Variants in CAV1 observed in about 807,000 individuals in gnomAD.
CAV1 encodes the protein caveolin-1.
CAV1 carries 10 observed loss-of-function variants against 16.5 expected under a neutral mutation model. The observed-to-expected ratio is 0.61, with a 90% CI of 0.37 to 1.03. The LOEUF is 1.03. CAV1 is among the 50% of genes least tolerant of loss of function. The pLI is 0.01. For synonymous variants in CAV1, 76 were observed against 85.1 expected (o/e 0.89, Z 0.59); for missense variants, 212 against 232.8 (o/e 0.91, Z 0.58).
At chr7:116,553,402 T>C (rs888822363) in intron 2 of CAV1, among the ~76,000 whole-genome samples, 1 of 152,080 alleles carries the variant, frequency 6.6e-6, no homozygotes, top group Non-Finnish European at 1.5e-5. Flanking sequence ...TCATGTCATT[T>C]ATAAAAATCT....
intron 2 of CAV1, 165 bp downstream of exon 2, chr7:116,526,854 C>G: frequency 2.7e-6 from 2 of 736,542 alleles, no homozygotes; most frequent in East Asian, 5.4e-5. Context: ...TGGGAGCTCC[C>G]GCAGTCGGCA....
chr7:116,525,629 G>C (rs1041844141), intron 1 of CAV1: 1 of 1,125,332 alleles, frequency 8.9e-7, no homozygotes, highest in African/African-American at 1.6e-5. Context: ...GTCTGGCAGG[G>C]GTGTTCCGAG....
In CAV1 at chr7:116,528,451, C is replaced by G. The variant is rs1022115200; in HGVS notation, c.195+1762C>G. ...AAAAGCTAGAGCAAGCTCCTGCTAG[C>G]CTAAAGAAACCAAACCCTGACTACT... On this transcript the variant is annotated intron_variant, in intron 2 of 2. Coordinates refer to ENST00000341049, the MANE Select transcript of CAV1 (RefSeq NM_001753.5). Among the ~76,000 whole-genome samples, 3 of 152,110 alleles carry G rather than the reference C, an allele frequency of 2.0e-5. No homozygotes were observed. The East Asian group carries it at 5.8e-4, about 29-fold the overall frequency.
At chr7:116,539,326 C>T (rs1793891218) in intron 2 of CAV1, among the ~76,000 whole-genome samples, 1 of 152,160 alleles carries the variant, frequency 6.6e-6, no homozygotes, top group Non-Finnish European at 1.5e-5. Flanking sequence ...TGCCTGTATC[C>T]TTCAAGCAGA....
chr7:116,525,432 G>C, intron 1 of CAV1: 1 of 1,416,674 alleles, frequency 7.1e-7, no homozygotes, highest in South Asian at 1.4e-5. Flanking sequence ...CCCGCGGTCC[G>C]GCCCTGCCTG....
Position 116,559,568 on chromosome 7 carries a change from C to T in CAV1, c.*281C>T. 1 of 517,996 alleles carries T rather than the reference C, an allele frequency of 1.9e-6. No individual in the cohort carries two copies. Among genetic ancestry groups the T allele is most frequent in the South Asian group, 3.2e-5 (1 of 30,880 alleles). The allele number at this position is 517,996 out of a possible 1,614,324, so 32.1% of individuals were successfully genotyped here. The stretch of plus-strand genomic sequence containing the variant: ...ATCGCTTTATTGGCTGAGATATGAA[C>T]ATATTGTTGAAAGGTAATTTGAGAG... On this transcript the variant is annotated 3_prime_UTR_variant, in exon 3 of 3. Transcript: ENST00000341049.
At chr7:116,550,101 C>T in intron 2 of CAV1, among the ~76,000 whole-genome samples, 1 of 152,078 alleles carries the variant, frequency 6.6e-6, no homozygotes, top group East Asian at 1.9e-4. Context: ...TGGGAAGCAA[C>T]AAGAGGGAGG....
chr7:116,550,185 A>G (rs1243767304), intron 2 of CAV1, among the ~76,000 whole-genome samples: 1 of 152,050 alleles, frequency 6.6e-6, no homozygotes, highest in Non-Finnish European at 1.5e-5. Context: ...CTCCACACCC[A>G]TCACCCCACA....
In CAV1 at chr7:116,559,307, A is replaced by C. The variant is rs750440706; in HGVS notation, c.*20A>C. On this transcript the variant is annotated 3_prime_UTR_variant, in exon 3 of 3. Coordinates refer to ENST00000341049, the MANE Select transcript of CAV1 (RefSeq NM_001753.5). ...ATATAAATGACATTTCAAGGATAGA[A>C]GTATACCTGATTTTTTTTCCTTTTA... The C allele has an allele frequency of 5.1e-6, 8 of 1,580,412 alleles. No homozygotes were observed. Among genetic ancestry groups the C allele is most frequent in the African/African-American group, 4.0e-5 (3 of 74,182 alleles).
At chr7:116,525,261 GAGA>G in intron 1 of CAV1, 169 bp downstream of exon 1, 1 of 1,591,102 alleles carries the variant, frequency 6.3e-7, no homozygotes, top group Non-Finnish European at 8.6e-7. Flanking sequence ...GGGAGGTGAA[GAGA>G]AGCCAGGAAT....
Position 116,526,656 on chromosome 7 carries a change from C to T in CAV1, c.162C>T (p.Arg54=). ...AHTKEIDLVN[R]DPKHLNDDVV... ...CCAAGGAGATCGACCTGGTCAACCGCGACCCTAAACACCTCAACGATGACG... is the reference window on the plus strand; with the variant it reads ...CCAAGGAGATCGACCTGGTCAACCGTGACCCTAAACACCTCAACGATGACG... Residue 54 remains arginine, a synonymous_variant, in exon 2 of 3, where the codon CGC becomes CGT. Transcript: ENST00000341049. 6.2e-7 allele frequency: 1 copy of T among 1,614,162 alleles called. No homozygotes were observed. The highest frequency in any genetic ancestry group is 8.5e-7 in the Non-Finnish European group (1 of 1,180,022).
chr7:116,555,602 A>AAGAG lies in CAV1; in HGVS notation c.196-3342_196-3339dup, dbSNP rs780499290. ...AAAGAAAGAAAGAAAGAAAGAAAGA[A>AAGAG]AGAGAAAGAAAGAAAGAAGGGAGGG... On this transcript the variant is annotated intron_variant, in intron 2 of 2. Transcript: ENST00000341049. Among the ~76,000 whole-genome samples, 3 of 83,670 alleles carry AAGAG rather than the reference A, an allele frequency of 3.6e-5. No homozygotes were observed. The East Asian group carries it at 1.0e-3, about 28-fold the overall frequency. The allele number at this position is 83,670 out of a possible 152,430, so 54.9% of individuals were successfully genotyped here. A position where few individuals can be genotyped will look rare whatever the true frequency, so the allele number is the denominator to read the frequency against.
chr7:116,537,009 CA>C (rs753949130), intron 2 of CAV1, among the ~76,000 whole-genome samples: 4,130 of 61,330 alleles, frequency 0.067, 40 homozygotes, highest in African/African-American at 0.22. Flanking sequence ...GACTCCGTCT[CA>C]AAAAAAAAAA....
At chr7:116,553,684 T>C (rs1259964185) in intron 2 of CAV1, among the ~76,000 whole-genome samples, 1 of 152,134 alleles carries the variant, frequency 6.6e-6, no homozygotes, top group Admixed American at 6.5e-5. Context: ...ATATTCTAAG[T>C]GAGCACATAA....
chr7:116,552,686 G>A (rs1794187550), intron 2 of CAV1, among the ~76,000 whole-genome samples: 1 of 152,084 alleles, frequency 6.6e-6, no homozygotes, highest in Non-Finnish European at 1.5e-5. Context: ...AGATGAAAAG[G>A]GCAAAGAGTC....
intron 1 of CAV1, chr7:116,525,569 C>T (rs979763305): frequency 1.4e-5 from 17 of 1,206,846 alleles, no homozygotes; most frequent in African/African-American, 1.3e-4. Context: ...GGTGTGTTTG[C>T]ACTTTCCAAA....
intron 2 of CAV1, among the ~76,000 whole-genome samples, chr7:116,551,425 T>G (rs1158057258): frequency 5.9e-5 from 9 of 152,260 alleles, no homozygotes; most frequent in Non-Finnish European, 2.9e-5. Flanking sequence ...ATATTCTGTT[T>G]GGTATGAATT....
chr7:116,529,089 C>G (rs1369244377), intron 2 of CAV1, among the ~76,000 whole-genome samples: 1 of 152,138 alleles, frequency 6.6e-6, no homozygotes, highest in Non-Finnish European at 1.5e-5. Flanking sequence ...CTTGGCCTCC[C>G]AAAGTGTTGG....
intron 2 of CAV1, among the ~76,000 whole-genome samples, chr7:116,536,863 C>T (rs999981755): frequency 4.0e-5 from 6 of 151,574 alleles, no homozygotes; most frequent in Admixed American, 6.6e-5. Flanking sequence ...ATTAGCCGGG[C>T]GCGGTGGCGG....
Sources: gnomAD v4.1 joint callset for allele counts (sites outside exome capture counted in the v4.1 genomes callset) on GRCh38, gnomAD v4.1.1 for gene constraint, MANE v1.5 for transcripts, NCBI Gene and HGNC (gene_info 2026-07-23, HGNC 2026-07-21) for gene names.